Variants in MAML2 observed in about 807,000 individuals in gnomAD.
MAML2 encodes the protein mastermind like transcriptional coactivator 2.
In MAML2, 22 loss-of-function variants were observed where a neutral mutation model predicts 96.1. The observed-to-expected ratio is 0.23, with a 90% confidence interval of 0.16 to 0.33. The LOEUF (loss-of-function observed/expected upper bound fraction) is 0.33. Among genes scored for constraint, MAML2 ranks in the 10% least tolerant of loss-of-function variants. The pLI is 1.00. For synonymous variants in MAML2, 561 were observed against 521.3 expected (o/e 1.08, Z -1.04); for missense variants, 1,367 against 1,392.4 (o/e 0.98, Z 0.29).
At chr11:96,006,872 TACACACACACACAC>T (rs57492080) in intron 2 of MAML2, among the ~76,000 whole-genome samples, 7 of 124,050 alleles carry the variant, frequency 5.6e-5, no homozygotes, top group African/African-American at 1.3e-4. Flanking sequence ...GAATATCTTA[TACACACACACACAC>T]ACACACACAC....
At chr11:96,208,435 A>G (rs941567373) in intron 1 of MAML2, among the ~76,000 whole-genome samples, 2 of 152,194 alleles carry the variant, frequency 1.3e-5, no homozygotes, top group African/African-American at 4.8e-5. Flanking sequence ...GGACTATTAA[A>G]AAAGAACCAT....
At chr11:96,046,321 G>C (rs1318907444) in intron 2 of MAML2, among the ~76,000 whole-genome samples, 1 of 152,068 alleles carries the variant, frequency 6.6e-6, no homozygotes, top group African/African-American at 2.4e-5. Context: ...CCAGCTAAAG[G>C]ACTAGGATGG....
intron 2 of MAML2, among the ~76,000 whole-genome samples, chr11:96,047,869 G>C (rs1370545632): frequency 7.9e-6 from 1 of 127,180 alleles, no homozygotes; most frequent in Non-Finnish European, 1.6e-5. Context: ...CCAAGATCAT[G>C]CCACTGCACT....
intron 2 of MAML2, among the ~76,000 whole-genome samples, chr11:96,025,194 C>A (rs636700): frequency 0.98 from 148,784 of 152,282 alleles, 72,696 homozygotes; most frequent in East Asian, 1. Flanking sequence ...GTGGCACATA[C>A]ACACCATGGA....
intron 2 of MAML2, among the ~76,000 whole-genome samples, chr11:96,078,838 A>G (rs927160549): frequency 3.3e-5 from 5 of 152,232 alleles, no homozygotes; most frequent in African/African-American, 1.2e-4. Flanking sequence ...TTCATTTTAA[A>G]TCCTATCCTA....
chr11:96,253,766 T>C (rs1241958665), intron 1 of MAML2, among the ~76,000 whole-genome samples: 1 of 152,194 alleles, frequency 6.6e-6, no homozygotes, highest in Non-Finnish European at 1.5e-5. Context: ...TTCTCAGCCA[T>C]CTGAGAATTC....
rs375950360 is a variant in MAML2 at position 96,093,412 on chromosome 11, G to A, written c.619C>T (p.Arg207Cys). 8 of 1,613,934 alleles carry A rather than the reference G, an allele frequency of 5.0e-6. No homozygotes were observed. Among genetic ancestry groups the A allele is most frequent in the East Asian group, 2.2e-5 (1 of 44,886 alleles). ...DNSFLDIKRI[R>C]VGENLSAGQG... is the part of the protein sequence containing the mutation. Reference sequence around the variant, plus strand: ...CCTGCAGAGAGATTCTCCCCAACACGAATTCTTTTGATATCAAGAAATGAG... The same window carrying A: ...CCTGCAGAGAGATTCTCCCCAACACAAATTCTTTTGATATCAAGAAATGAG... Residue 207 changes from arginine (R) to cysteine (C), a missense_variant, in exon 2 of 5, where the codon CGT becomes TGT. Arg to Cys is a radical substitution (Grantham distance 180). Transcript: ENST00000524717.
intron 1 of MAML2, among the ~76,000 whole-genome samples, chr11:96,197,107 A>G (rs1861744540): frequency 6.6e-6 from 1 of 152,210 alleles, no homozygotes; most frequent in Non-Finnish European, 1.5e-5. Flanking sequence ...AAGGTCTGGG[A>G]GGCCAAAGCT....
In MAML2 at chr11:96,133,440, T is replaced by C. The variant is rs139164710; in HGVS notation, c.514-39923A>G. ...ATCTGCTATTTTTCAGCCATTTACA[T>C]GTCTTCATGCATGGGAGTGGTAGCC... On this transcript the variant is annotated intron_variant, in intron 1 of 4. Transcript: ENST00000524717. Among the ~76,000 whole-genome samples, 25 of 152,320 alleles carry C rather than the reference T, an allele frequency of 1.6e-4. No homozygotes were observed. In the East Asian group the frequency reaches 3.3e-3, roughly 20 times the overall value.
chr11:96,114,958 G>A (rs1259598536), intron 1 of MAML2, among the ~76,000 whole-genome samples: 1 of 152,162 alleles, frequency 6.6e-6, no homozygotes, highest in East Asian at 1.9e-4. Context: ...TGAGGCAGAG[G>A]CAGCCGGTAT....
At chr11:96,010,056 T>C (rs1225674651) in intron 2 of MAML2, among the ~76,000 whole-genome samples, 2 of 152,192 alleles carry the variant, frequency 1.3e-5, no homozygotes, top group Non-Finnish European at 2.9e-5. Context: ...CTGCAAACTG[T>C]AATATGTCTT....
At chr11:96,107,136 G>C (rs1199680031) in intron 1 of MAML2, among the ~76,000 whole-genome samples, 1 of 151,782 alleles carries the variant, frequency 6.6e-6, no homozygotes, top group Non-Finnish European at 1.5e-5. Context: ...TCATGTTTTT[G>C]GCTTGTAACT....
intron 2 of MAML2, among the ~76,000 whole-genome samples, chr11:96,059,787 C>T (rs915206112): frequency 1.3e-5 from 2 of 152,154 alleles, no homozygotes; most frequent in African/African-American, 2.4e-5. Flanking sequence ...ACTCAACCTG[C>T]ATTTCAAAAA....
intron 2 of MAML2, among the ~76,000 whole-genome samples, chr11:96,006,324 C>A (rs1292968886): frequency 6.6e-6 from 1 of 152,106 alleles, no homozygotes; most frequent in East Asian, 1.9e-4. Context: ...TTTTGATCTG[C>A]AGGGTACCAA....
intron 2 of MAML2, among the ~76,000 whole-genome samples, chr11:96,020,873 G>A (rs1395557774): frequency 6.6e-6 from 1 of 152,128 alleles, no homozygotes; most frequent in Non-Finnish European, 1.5e-5. Flanking sequence ...TTTAAGTCAC[G>A]AGAACTCCAG....
chr11:96,317,674 T>C lies in MAML2; in HGVS notation c.513+23709A>G, dbSNP rs115776749. ...AAATAGGGCTGCAGGCTGCCCAGCT[T>C]TGGAAAGGCAAGAACTTCTGTGGCA... On this transcript the variant is annotated intron_variant, in intron 1 of 4. Transcript: ENST00000524717. 1.5e-3 allele frequency among the ~76,000 whole-genome samples: 231 copies of C among 152,310 alleles called. 2 individuals carry two copies. The highest frequency in any genetic ancestry group is 5.5e-3 in the African/African-American group (227 of 41,566).
At chr11:96,260,872 G>GT (rs1453152369) in intron 1 of MAML2, among the ~76,000 whole-genome samples, 2 of 151,902 alleles carry the variant, frequency 1.3e-5, no homozygotes, top group Admixed American at 6.6e-5. Flanking sequence ...TAAAAAGGTT[G>GT]TTTTTTTGTT....
intron 1 of MAML2, among the ~76,000 whole-genome samples, chr11:96,173,177 A>G (rs543851210): frequency 1.1e-4 from 17 of 152,350 alleles, no homozygotes; most frequent in African/African-American, 3.4e-4. Flanking sequence ...GCACTTGGAC[A>G]CAAGACTACA....
chr11:96,137,890 G>GGTA (rs1418029613), intron 1 of MAML2, among the ~76,000 whole-genome samples: 1 of 151,974 alleles, frequency 6.6e-6, no homozygotes, highest in African/African-American at 2.4e-5. Context: ...TATATGAAAG[G>GGTA]GTAGTCTCTT....
Sources: allele counts gnomAD v4.1 joint callset (sites outside exome capture counted in the v4.1 genomes callset), GRCh38; gene constraint gnomAD v4.1.1; transcripts MANE v1.5; gene names NCBI Gene and HGNC (gene_info 2026-07-23, HGNC 2026-07-21).